Variants in CDH9 observed in about 807,000 individuals in gnomAD.
CDH9 encodes cadherin-9.
A neutral mutation model predicts 70.9 loss-of-function variants in CDH9; 28 were observed. That is an observed-to-expected ratio of 0.40 (90% CI 0.29 to 0.54). CDH9 has a LOEUF of 0.54. CDH9 is among the 20% of genes least tolerant of loss of function. The pLI is 0.59. For synonymous variants in CDH9, 409 were observed against 343.1 expected, an observed-to-expected ratio of 1.19 and a Z score of -2.12; for missense variants, 874 against 984.4, an observed-to-expected ratio of 0.89 and a Z score of 1.50.
intron 2 of CDH9, among the ~76,000 whole-genome samples, chr5:26,970,392 A>T (rs558318430): frequency 6.6e-6 from 1 of 152,154 alleles, no homozygotes; most frequent in South Asian, 2.1e-4. Context: ...TAATCCTATT[A>T]GGTTTATCTA....
At chr5:26,975,761 T>C (rs1579488493) in intron 2 of CDH9, among the ~76,000 whole-genome samples, 1 of 152,338 alleles carries the variant, frequency 6.6e-6, no homozygotes, top group East Asian at 1.9e-4. Context: ...GCAAAATTTA[T>C]GGCCTTAATT....
At chr5:27,000,485 A>T (rs562760290) in intron 1 of CDH9, among the ~76,000 whole-genome samples, 1 of 152,264 alleles carries the variant, frequency 6.6e-6, no homozygotes, top group African/African-American at 2.4e-5. Flanking sequence ...TCAACAAAAC[A>T]AAGATACTAA....
In CDH9 at chr5:26,883,452, T is replaced by A. The variant is rs1439228227; in HGVS notation, c.1883-1829A>T. Among the ~76,000 whole-genome samples the A allele has an allele frequency of 3.3e-5, 5 of 151,928 alleles. No individual in the cohort carries two copies. In the South Asian group the frequency reaches 6.2e-4, roughly 19 times the overall value. ...GCACGTGAACAGAATTCAGGAAGAA[T>A]AGGATAAGAAATGAAAAAAAGTACA... is the stretch of plus-strand genomic sequence containing the variant. On this transcript the variant is annotated intron_variant, in intron 11 of 11. Transcript: ENST00000231021.
At chr5:26,954,629 C>T (rs1485486699) in intron 2 of CDH9, among the ~76,000 whole-genome samples, 1 of 151,910 alleles carries the variant, frequency 6.6e-6, no homozygotes, top group African/African-American at 2.4e-5. Flanking sequence ...CGTGATCCGC[C>T]TGTCTCGGCC....
At chr5:26,942,283 T>C (rs573244323) in intron 2 of CDH9, among the ~76,000 whole-genome samples, 30 of 152,262 alleles carry the variant, frequency 2.0e-4, no homozygotes, top group Non-Finnish European at 3.8e-4. Flanking sequence ...ACCCCCACAA[T>C]TCAATTACTT....
At chr5:26,953,370 ATTTTCTCC>A (rs1741887368) in intron 2 of CDH9, among the ~76,000 whole-genome samples, 1 of 152,194 alleles carries the variant, frequency 6.6e-6, no homozygotes, top group Non-Finnish European at 1.5e-5. Flanking sequence ...ATCATAATGC[ATTTTCTCC>A]TAGACATTAC....
chr5:26,984,752 C>CT (rs575015181), intron 2 of CDH9, among the ~76,000 whole-genome samples: 41 of 152,188 alleles, frequency 2.7e-4, no homozygotes, highest in South Asian at 4.1e-4. Flanking sequence ...ATTATTATGA[C>CT]TTTTTTTCCT....
At chr5:26,951,792 G>A (rs1741849899) in intron 2 of CDH9, among the ~76,000 whole-genome samples, 1 of 152,028 alleles carries the variant, frequency 6.6e-6, no homozygotes, top group African/African-American at 2.4e-5. Context: ...TAGCGTAGAA[G>A]GAAAGGACAG....
chr5:26,881,759 A>ATTTG, intron 11 of CDH9, 136 bp from the exon 12 acceptor site: 5 of 739,824 alleles, frequency 6.8e-6, no homozygotes, highest in East Asian at 2.7e-5. Context: ...CCCTGTACAA[A>ATTTG]TACAGAGTTC....
At chr5:26,897,928 C>A (rs1262850872) in intron 7 of CDH9, among the ~76,000 whole-genome samples, 1 of 152,070 alleles carries the variant, frequency 6.6e-6, no homozygotes, top group South Asian at 2.1e-4. Flanking sequence ...AAAACCCCAT[C>A]GTCTCAGCCC....
At chr5:26,957,960 C>A (rs1163159459) in intron 2 of CDH9, among the ~76,000 whole-genome samples, 1 of 152,106 alleles carries the variant, frequency 6.6e-6, no homozygotes, top group Admixed American at 6.5e-5. Context: ...CATTCAGTTT[C>A]ACATTTATTG....
intron 1 of CDH9, among the ~76,000 whole-genome samples, chr5:26,991,723 T>C (rs35215562): frequency 0.033 from 5,075 of 152,022 alleles, 94 homozygotes; most frequent in Middle Eastern, 0.041. Context: ...TTATGGAGGG[T>C]GAAGAAAAAA....
At chr5:26,937,325 C>T (rs1159485120) in intron 2 of CDH9, among the ~76,000 whole-genome samples, 2 of 152,106 alleles carry the variant, frequency 1.3e-5, no homozygotes, top group African/African-American at 2.4e-5. Context: ...GACAGCACTA[C>T]ACTCCTATCA....
At chr5:27,030,606 T>C (rs2112135091) in intron 1 of CDH9, among the ~76,000 whole-genome samples, 1 of 151,802 alleles carries the variant, frequency 6.6e-6, no homozygotes, top group Non-Finnish European at 1.5e-5. Context: ...TCACAGTTTA[T>C]TGCAAGGAGA....
intron 2 of CDH9, among the ~76,000 whole-genome samples, chr5:26,918,090 C>T (rs1444751386): frequency 6.6e-6 from 1 of 152,120 alleles, no homozygotes; most frequent in Non-Finnish European, 1.5e-5. Context: ...GCCCTGAATT[C>T]CAGAGGCATC....
At chr5:26,912,603 A>G (rs1186835520) in intron 3 of CDH9, among the ~76,000 whole-genome samples, 1 of 151,844 alleles carries the variant, frequency 6.6e-6, no homozygotes. Flanking sequence ...AATGAGAAGG[A>G]CATTTGATTT....
intron 2 of CDH9, among the ~76,000 whole-genome samples, chr5:26,924,963 T>G (rs185347064): frequency 1.2e-3 from 189 of 152,214 alleles, no homozygotes; most frequent in Middle Eastern, 6.8e-3. Context: ...GATGGACATG[T>G]GGGTTGGTGC....
chr5:26,905,368 G>A (rs180983560), intron 5 of CDH9, among the ~76,000 whole-genome samples: 13 of 152,116 alleles, frequency 8.5e-5, no homozygotes, highest in Admixed American at 3.3e-4. Flanking sequence ...ACTTGAATAC[G>A]TCTAAAATGC....
intron 1 of CDH9, among the ~76,000 whole-genome samples, chr5:27,031,134 T>C (rs1363578127): frequency 1.3e-5 from 2 of 151,752 alleles, no homozygotes; most frequent in East Asian, 1.9e-4. Context: ...GAAAGAAATA[T>C]AACTAAAACA....
Sources: allele counts gnomAD v4.1 joint callset (sites outside exome capture counted in the v4.1 genomes callset), GRCh38; gene constraint gnomAD v4.1.1; transcripts MANE v1.5; gene names NCBI Gene and HGNC (gene_info 2026-07-23, HGNC 2026-07-21).